The following CLNK variants were observed in gnomAD, a reference collection of about 807,000 sequenced individuals.
CLNK encodes cytokine-dependent hematopoietic cell linker.
A neutral mutation model predicts 68.6 loss-of-function variants in CLNK; 74 were observed. That is an observed-to-expected ratio of 1.08 (90% CI 0.89 to 1.31). The LOEUF is 1.31. Among genes scored for constraint, CLNK ranks in the 50% most tolerant of loss-of-function variants. CLNK has a pLI of 0.00. For missense variants in CLNK, 553 were observed against 515.3 expected (o/e 1.07, Z -0.71); for synonymous variants, 198 against 172.2 (o/e 1.15, Z -1.17).
chr4:10,634,162 C>A (rs773857641), intron 2 of CLNK, among the ~76,000 whole-genome samples: 1 of 152,162 alleles, frequency 6.6e-6, no homozygotes, highest in Non-Finnish European at 1.5e-5. Context: ...GAAACAGAGT[C>A]CATCAGGGTC....
chr4:10,621,659 T>C (rs1391022796), intron 2 of CLNK, among the ~76,000 whole-genome samples: 1 of 152,242 alleles, frequency 6.6e-6, no homozygotes, highest in Admixed American at 6.5e-5. Flanking sequence ...ATTCTGTCCC[T>C]CCAGGATGAC....
intron 2 of CLNK, among the ~76,000 whole-genome samples, chr4:10,633,867 C>A (rs1722982737): frequency 6.6e-6 from 1 of 152,176 alleles, no homozygotes. Context: ...GTTGGTTGTA[C>A]TGGAAAAGGC....
intron 2 of CLNK, among the ~76,000 whole-genome samples, chr4:10,665,700 C>T (rs573554712): frequency 1.1e-4 from 16 of 147,718 alleles, no homozygotes; most frequent in South Asian, 4.3e-4. Flanking sequence ...GAAGCAGAGA[C>T]GGAAAGGGTG....
In CLNK at chr4:10,501,420, A is replaced by G. The variant is rs764482990; in HGVS notation, c.985-9T>C. On this transcript the variant is annotated splice_polypyrimidine_tract_variant and intron_variant, in intron 17 of 18. Transcript: ENST00000226951. The stretch of plus-strand genomic sequence containing the variant: ...ACCAAGAAACTACCATCCTGAAGCA[A>G]AAAGAGTAACAGTCATCTTTTCAGA... 6 of 1,606,330 alleles carry G rather than the reference A, an allele frequency of 3.7e-6. No individual in the cohort carries two copies. The highest frequency in any genetic ancestry group is 4.2e-6 in the Non-Finnish European group (5 of 1,177,590).
At chr4:10,529,909 C>CT (rs1482221816) in intron 12 of CLNK, among the ~76,000 whole-genome samples, 1 of 152,094 alleles carries the variant, frequency 6.6e-6, no homozygotes. Context: ...TCTTCTGTAA[C>CT]TTTTTTATTG....
intron 4 of CLNK, among the ~76,000 whole-genome samples, chr4:10,580,529 A>G (rs1034229432): frequency 3.9e-5 from 6 of 152,170 alleles, no homozygotes; most frequent in African/African-American, 1.4e-4. Context: ...TTCTAGTAGG[A>G]CAAGATGTGG....
chr4:10,720,479 T>C, the CLNK span, among the ~76,000 whole-genome samples: 1 of 151,962 alleles, frequency 6.6e-6, no homozygotes, highest in African/African-American at 2.4e-5. Flanking sequence ...AATGAGCGCA[T>C]GAAATGTTCA....
At chr4:10,514,522 T>C (rs1348085911) in intron 15 of CLNK, among the ~76,000 whole-genome samples, 17 of 143,194 alleles carry the variant, frequency 1.2e-4, no homozygotes, top group Non-Finnish European at 2.3e-4. Flanking sequence ...ATTTAATAAA[T>C]GGTGCTGGGA....
chr4:10,699,204 C>G, the CLNK span, among the ~76,000 whole-genome samples: 1 of 116,426 alleles, frequency 8.6e-6, no homozygotes, highest in South Asian at 3.0e-4. Flanking sequence ...CTCTTAAACA[C>G]ACACATACAC....
At chr4:10,606,793 T>C (rs1019110154) in intron 2 of CLNK, among the ~76,000 whole-genome samples, 2 of 152,232 alleles carry the variant, frequency 1.3e-5, no homozygotes, top group Non-Finnish European at 2.9e-5. Flanking sequence ...TATATCTATA[T>C]ATACACACAC....
chr4:10,603,594 T>A (rs1721673624), intron 2 of CLNK, among the ~76,000 whole-genome samples: 1 of 152,148 alleles, frequency 6.6e-6, no homozygotes, highest in African/African-American at 2.4e-5. Flanking sequence ...CACCAACCCC[T>A]GTGGAGGGAA....
chr4:10,513,391 G>A, intron 16 of CLNK, 73 bp downstream of exon 16: 3 of 1,382,980 alleles, frequency 2.2e-6, no homozygotes, highest in Non-Finnish European at 9.9e-7. Context: ...TCTCCTTTTG[G>A]GCATTGTTCA....
chr4:10,500,524 A>G (rs929522293), intron 18 of CLNK, among the ~76,000 whole-genome samples: 2 of 152,094 alleles, frequency 1.3e-5, no homozygotes, highest in Admixed American at 6.5e-5. Context: ...CTACTAAAAT[A>G]TAAAAATTAG....
chr4:10,725,780 G>A, the CLNK span, among the ~76,000 whole-genome samples: 4 of 151,830 alleles, frequency 2.6e-5, no homozygotes, highest in Non-Finnish European at 5.9e-5. Context: ...GCGTGAACCC[G>A]GGAGGCGGAC....
intron 2 of CLNK, among the ~76,000 whole-genome samples, chr4:10,603,333 A>C (rs905497764): frequency 1.3e-5 from 2 of 152,224 alleles, no homozygotes. Context: ...GAAAATCAGA[A>C]CTGCAAGAAA....
intron 16 of CLNK, among the ~76,000 whole-genome samples, chr4:10,509,526 CT>C (rs34708664): frequency 0.62 from 87,639 of 142,160 alleles, 27,047 homozygotes; most frequent in Non-Finnish European, 0.69. Flanking sequence ...AAAGTCACCT[CT>C]TTTTTTTTTT....
Position 10,562,717 on chromosome 4 carries a change from A to C in CLNK, c.399+1954T>G, listed in dbSNP as rs150565984. On this transcript the variant is annotated intron_variant, in intron 7 of 18. Coordinates refer to ENST00000226951, the MANE Select transcript of CLNK (RefSeq NM_052964.4). ...CCACGTCCGGTCACAAGAATGTTTT[A>C]AGGATTAAATATCATTCATTCTTTC... Among the ~76,000 whole-genome samples the C allele has an allele frequency of 5.6e-3, 851 of 152,210 alleles. 9 individuals are homozygous for C. The highest frequency in any genetic ancestry group is 0.02 in the African/African-American group (818 of 41,532).
chr4:10,547,290 T>A (rs1326605401), intron 8 of CLNK, among the ~76,000 whole-genome samples: 1 of 152,140 alleles, frequency 6.6e-6, no homozygotes, highest in Non-Finnish European at 1.5e-5. Context: ...CTGTGGTGAA[T>A]CTTTTTTAAA....
chr4:10,673,442 G>C (rs1724739474), intron 1 of CLNK, among the ~76,000 whole-genome samples: 2 of 152,056 alleles, frequency 1.3e-5, no homozygotes, highest in African/African-American at 2.4e-5. Context: ...TGATAGACTG[G>C]ATTAATAAAA....
Sources: gnomAD v4.1 joint callset for allele counts (sites outside exome capture counted in the v4.1 genomes callset) on GRCh38, gnomAD v4.1.1 for gene constraint, MANE v1.5 for transcripts, NCBI Gene and HGNC (gene_info 2026-07-23, HGNC 2026-07-21) for gene names.